Variants in ATP5F1C observed in about 807,000 individuals in gnomAD.
The protein encoded by ATP5F1C is ATP synthase F1 subunit gamma, also known as ATP synthase F(1) complex subunit gamma, mitochondrial.
A neutral mutation model predicts 37.4 loss-of-function variants in ATP5F1C; 22 were observed. The observed-to-expected ratio is 0.59, with a 90% CI of 0.42 to 0.84. ATP5F1C has a LOEUF of 0.84. ATP5F1C is among the 40% of genes least tolerant of loss of function. The pLI, the probability that ATP5F1C is intolerant of heterozygous loss-of-function variation, is 0.00. For missense variants in ATP5F1C, 286 were observed against 362.4 expected, an observed-to-expected ratio of 0.79 and a Z score of 1.71; for synonymous variants, 121 against 128.0, an observed-to-expected ratio of 0.95 and a Z score of 0.37.
At chr10:7,802,488 G>T (rs1195287659) in intron 7 of ATP5F1C, 63 bp downstream of exon 7, 1 of 1,548,670 alleles carries the variant, frequency 6.5e-7, no homozygotes, top group Non-Finnish European at 8.7e-7. Context: ...AATCTCAGCT[G>T]AGAGGAGTCC....
At chr10:7,792,622 A>G (rs969522365) in intron 1 of ATP5F1C, among the ~76,000 whole-genome samples, 7 of 152,060 alleles carry the variant, frequency 4.6e-5, no homozygotes, top group African/African-American at 1.7e-4. Context: ...TTTTTTTCAG[A>G]TGGCCTTCTC....
intron 6 of ATP5F1C, among the ~76,000 whole-genome samples, chr10:7,801,971 C>T: frequency 6.6e-6 from 1 of 152,162 alleles, no homozygotes; most frequent in Non-Finnish European, 1.5e-5. Context: ...TAATGCTGTC[C>T]AGAGGGCTTC....
intron 3 of ATP5F1C, 131 bp from the exon 4 acceptor site, chr10:7,798,859 G>GCAGTGTT: frequency 1.2e-6 from 1 of 827,578 alleles, no homozygotes; most frequent in Non-Finnish European, 1.9e-6. Flanking sequence ...AAGAACACCT[G>GCAGTGTT]CTTACACTAG....
At chr10:7,798,262 A>C (rs1457390845) in intron 3 of ATP5F1C, among the ~76,000 whole-genome samples, 10 of 150,146 alleles carry the variant, frequency 6.7e-5, no homozygotes, top group Non-Finnish European at 1.3e-4. Context: ...TTTGAGATGG[A>C]GTCTCATTCT....
At chr10:7,802,217 A>C in intron 6 of ATP5F1C, 53 bp from the exon 7 acceptor site, 1 of 1,522,124 alleles carries the variant, frequency 6.6e-7, no homozygotes, top group Non-Finnish European at 8.8e-7. Context: ...GTTTTTGATG[A>C]ATTACTATTC....
At chr10:7,798,743 C>A (rs1217673646) in intron 3 of ATP5F1C, among the ~76,000 whole-genome samples, 1 of 152,046 alleles carries the variant, frequency 6.6e-6, no homozygotes, top group African/African-American at 2.4e-5. Context: ...GTTGGCCAGG[C>A]CGGTCTCAAA....
At chr10:7,802,953 G>A in intron 8 of ATP5F1C, 99 bp downstream of exon 8, 1 of 967,816 alleles carries the variant, frequency 1.0e-6, no homozygotes, top group Non-Finnish European at 1.5e-6. Context: ...TTCTTTTGAA[G>A]TTGAAACTCA....
At chr10:7,789,212 C>A (rs1836113803) in intron 1 of ATP5F1C, among the ~76,000 whole-genome samples, 1 of 152,106 alleles carries the variant, frequency 6.6e-6, no homozygotes, top group Non-Finnish European at 1.5e-5. Context: ...GGATTCTAGG[C>A]TGTGTCGTAG....
intron 3 of ATP5F1C, among the ~76,000 whole-genome samples, chr10:7,797,574 A>G (rs1275961607): frequency 6.6e-6 from 1 of 152,184 alleles, no homozygotes; most frequent in Non-Finnish European, 1.5e-5. Context: ...CATCAGAAGA[A>G]CTTGGAAACC....
chr10:7,795,884 T>C (rs1319127195), intron 1 of ATP5F1C, among the ~76,000 whole-genome samples: 1 of 152,158 alleles, frequency 6.6e-6, no homozygotes, highest in Non-Finnish European at 1.5e-5. Context: ...CATGTTGACT[T>C]CTGGGAAGGT....
At chr10:7,800,353 G>T (rs1836334144) in intron 6 of ATP5F1C, among the ~76,000 whole-genome samples, 1 of 151,962 alleles carries the variant, frequency 6.6e-6, no homozygotes, top group Admixed American at 6.6e-5. Flanking sequence ...CCGCCACCAA[G>T]CCTGGCTAAT....
chr10:7,807,515 T>A lies in ATP5F1C; in HGVS notation c.*31-144T>A, dbSNP rs537362688. 3.9e-4 allele frequency: 368 copies of A among 948,864 alleles called. 3 individuals carry two copies. The African/African-American group carries it at 5.4e-3, about 14-fold the overall frequency. The allele number at this position is 948,864 out of a possible 1,614,324, so 58.8% of individuals were successfully genotyped here. On this transcript the variant is annotated intron_variant, in intron 9 of 9. Transcript: ENST00000356708. ...CATGAAAGGTTCCCCAGACCAAAAT[T>A]TTAGAATCACTGGTATAGGGTAACA...
At chr10:7,799,363 G>C (rs1836306783) in intron 4 of ATP5F1C, 169 bp downstream of exon 4, 4 of 624,508 alleles carry the variant, frequency 6.4e-6, no homozygotes, top group Admixed American at 5.9e-5. Context: ...CTTTTTTCCA[G>C]GATATATTGG....
intron 1 of ATP5F1C, among the ~76,000 whole-genome samples, chr10:7,793,993 G>A (rs1836199611): frequency 6.6e-6 from 1 of 152,096 alleles, no homozygotes; most frequent in South Asian, 2.1e-4. Flanking sequence ...TAGGTCTTTG[G>A]CCTTCCTATA....
intron 3 of ATP5F1C, among the ~76,000 whole-genome samples, chr10:7,798,161 C>G (rs1349236557): frequency 6.6e-6 from 1 of 152,228 alleles, no homozygotes; most frequent in East Asian, 1.9e-4. Context: ...ACCAAATCCT[C>G]AGTATCTCAA....
Position 7,799,124 on chromosome 10 carries a change from A to G in ATP5F1C, c.358A>G (p.Thr120Ala), listed in dbSNP as rs1192439033. ...TAAACAGATGAAAAGCGAGGTTGCTACACTAACAGCAGCTGGGAAAGAAGT... is the reference window on the plus strand; with the variant it reads ...TAAACAGATGAAAAGCGAGGTTGCTGCACTAACAGCAGCTGGGAAAGAAGT... ...IAKQMKSEVA[T>A]LTAAGKEVML... The change falls in exon 4 of 10, where the codon ACA becomes GCA. Residue 120 changes from threonine to alanine, a missense_variant. Thr to Ala is a moderately conservative substitution (Grantham distance 58). Transcript: ENST00000356708. 2 of 1,614,024 alleles carry G rather than the reference A, an allele frequency of 1.2e-6. No homozygotes were observed. Among genetic ancestry groups the G allele is most frequent in the Admixed American group, 3.3e-5 (2 of 60,006 alleles).
At chr10:7,792,902 C>T (rs759292014) in intron 1 of ATP5F1C, among the ~76,000 whole-genome samples, 1 of 152,198 alleles carries the variant, frequency 6.6e-6, no homozygotes, top group Non-Finnish European at 1.5e-5. Flanking sequence ...GCTACCAGAA[C>T]ATCTTCCCAA....
At chr10:7,802,487 T>C in intron 7 of ATP5F1C, 62 bp downstream of exon 7, 2 of 1,550,392 alleles carry the variant, frequency 1.3e-6, no homozygotes, top group Non-Finnish European at 1.7e-6. Flanking sequence ...GAATCTCAGC[T>C]GAGAGGAGTC....
At chr10:7,802,625 C>A in intron 7 of ATP5F1C, 133 bp from the exon 8 acceptor site, 1 of 1,119,524 alleles carries the variant, frequency 8.9e-7, no homozygotes, top group African/African-American at 1.6e-5. Context: ...AAAATATCTT[C>A]ATAACATTAT....
Sources: allele counts gnomAD v4.1 joint callset (sites outside exome capture counted in the v4.1 genomes callset), GRCh38; gene constraint gnomAD v4.1.1; transcripts MANE v1.5; gene names NCBI Gene and HGNC (gene_info 2026-07-23, HGNC 2026-07-21).